The following QRICH1 variants were observed in gnomAD, a reference collection of about 807,000 sequenced individuals.
The protein encoded by QRICH1 is glutamine rich 1, also known as transcriptional regulator QRICH1.
In QRICH1, 16 loss-of-function variants were observed where a neutral mutation model predicts 87.1. That is an observed-to-expected ratio of 0.18 (90% confidence interval 0.12 to 0.28). The LOEUF (loss-of-function observed/expected upper bound fraction) is 0.28, where lower values mean the gene tolerates loss of function less well. Ranked by LOEUF, QRICH1 falls within the 10% of genes least tolerant of loss-of-function variation. The pLI, the probability that QRICH1 is intolerant of heterozygous loss-of-function variation, is 1.00. For synonymous variants in QRICH1, 367 were observed against 368.4 expected, an observed-to-expected ratio of 1.00 and a Z score of 0.05; for missense variants, 647 against 951.7, an observed-to-expected ratio of 0.68 and a Z score of 4.21.
At chr3:49,040,594 A>C (rs1460753992) in intron 6 of QRICH1, among the ~76,000 whole-genome samples, 2 of 152,250 alleles carry the variant, frequency 1.3e-5, no homozygotes, top group Non-Finnish European at 2.9e-5. Flanking sequence ...CATAGTAGGC[A>C]CTCAAAAAAT....
At chr3:49,059,699 G>C (rs1322004539) in intron 2 of QRICH1, among the ~76,000 whole-genome samples, 1 of 151,266 alleles carries the variant, frequency 6.6e-6, no homozygotes, top group African/African-American at 2.4e-5. Context: ...TGGGATTACA[G>C]GCTTGAGCCA....
chr3:49,075,243 C>T (rs963860138), intron 2 of QRICH1, among the ~76,000 whole-genome samples: 2 of 150,780 alleles, frequency 1.3e-5, no homozygotes, highest in Non-Finnish European at 2.9e-5. Flanking sequence ...GCTGGATGAT[C>T]GCTTAAGCCT....
chr3:49,092,536 A>G (rs1162513996), intron 1 of QRICH1: 4 of 152,156 alleles, frequency 2.6e-5, no homozygotes, highest in Non-Finnish European at 4.4e-5. Flanking sequence ...CTTAAAAACA[A>G]TACAGTACAT....
At chr3:49,033,432 G>A (rs1411803049) in intron 6 of QRICH1, 1 of 386,058 alleles carries the variant, frequency 2.6e-6, no homozygotes, top group Admixed American at 4.5e-5. Flanking sequence ...GGAACCTGAT[G>A]ATGAGCACTT....
chr3:49,088,670 G>A (rs982266584), intron 1 of QRICH1, among the ~76,000 whole-genome samples: 2 of 146,534 alleles, frequency 1.4e-5, no homozygotes. Flanking sequence ...CCACTACCCA[G>A]GATAAAATGC....
intron 2 of QRICH1, among the ~76,000 whole-genome samples, chr3:49,059,265 GTTT>G (rs555967025): frequency 6.7e-6 from 1 of 149,636 alleles, no homozygotes; most frequent in South Asian, 2.1e-4. Flanking sequence ...ACAAGGGACC[GTTT>G]TTTTCTCTAA....
intron 1 of QRICH1, among the ~76,000 whole-genome samples, chr3:49,092,037 A>G (rs1325151547): frequency 6.6e-6 from 1 of 150,934 alleles, no homozygotes; most frequent in Non-Finnish European, 1.5e-5. Flanking sequence ...ACACCCCTGC[A>G]CTCCAGCCTG....
At chr3:49,041,127 G>A (rs1019764918) in intron 6 of QRICH1, among the ~76,000 whole-genome samples, 3 of 151,744 alleles carry the variant, frequency 2.0e-5, no homozygotes, top group Admixed American at 1.3e-4. Context: ...GCCACCACAC[G>A]CAGCTAATTT....
chr3:49,055,638 C>T (rs1159562077), intron 3 of QRICH1, among the ~76,000 whole-genome samples: 2 of 152,320 alleles, frequency 1.3e-5, no homozygotes, highest in South Asian at 2.1e-4. Flanking sequence ...GCTGGGATTA[C>T]AGGCAACTGC....
Position 49,076,706 on chromosome 3 carries a change from T to A in QRICH1, c.309+3A>T. On this transcript the variant is annotated splice_donor_region_variant and intron_variant, in intron 2 of 9. Coordinates refer to ENST00000395443, the MANE Select transcript of QRICH1 (RefSeq NM_198880.3). ...AGGCTGCACCTCAGCATTTCCCATA[T>A]ACCTGAACCTGCTGCGGCTGCTGAA... The A allele has an allele frequency of 6.4e-7, 1 of 1,553,758 alleles. No homozygotes were observed. The highest frequency in any genetic ancestry group is 8.7e-7 in the Non-Finnish European group (1 of 1,145,856).
At chr3:49,048,196 G>C (rs140970389) in intron 3 of QRICH1, among the ~76,000 whole-genome samples, 1 of 151,230 alleles carries the variant, frequency 6.6e-6, no homozygotes, top group Non-Finnish European at 1.5e-5. Context: ...GCAATGGCAG[G>C]ATCTCGGCTC....
intron 3 of QRICH1, among the ~76,000 whole-genome samples, chr3:49,054,017 T>G (rs542696263): frequency 6.6e-6 from 1 of 152,208 alleles, no homozygotes; most frequent in South Asian, 2.1e-4. Flanking sequence ...CATCTTTCCC[T>G]TGGCATCTTT....
At chr3:49,034,423 C>T (rs2093261944) in intron 6 of QRICH1, among the ~76,000 whole-genome samples, 1 of 143,418 alleles carries the variant, frequency 7.0e-6, no homozygotes, top group Non-Finnish European at 1.5e-5. Context: ...GCCTGGGTGA[C>T]AGAGTGAGAT....
intron 2 of QRICH1, among the ~76,000 whole-genome samples, chr3:49,066,295 A>C (rs1483037935): frequency 6.6e-6 from 1 of 152,048 alleles, no homozygotes; most frequent in Non-Finnish European, 1.5e-5. Flanking sequence ...TCAGAAAAAA[A>C]TAAGGGTAAG....
At chr3:49,038,999 C>G (rs2106834219) in intron 6 of QRICH1, among the ~76,000 whole-genome samples, 1 of 152,046 alleles carries the variant, frequency 6.6e-6, no homozygotes, top group East Asian at 1.9e-4. Flanking sequence ...TGCACTCCAG[C>G]CTGGAAGACA....
intron 5 of QRICH1, among the ~76,000 whole-genome samples, chr3:49,045,006 A>G (rs1384961321): frequency 6.6e-6 from 1 of 152,082 alleles, no homozygotes; most frequent in Non-Finnish European, 1.5e-5. Context: ...AGACTAGGCA[A>G]CAGAATAAGT....
intron 1 of QRICH1, among the ~76,000 whole-genome samples, chr3:49,092,016 G>A (rs1342359567): frequency 6.7e-6 from 1 of 149,296 alleles, no homozygotes; most frequent in Non-Finnish European, 1.5e-5. Flanking sequence ...AGGTTGCAGT[G>A]AGCCGAGATC....
At chr3:49,079,496 TATA>T (rs1428854164) in intron 1 of QRICH1, among the ~76,000 whole-genome samples, 15 of 147,998 alleles carry the variant, frequency 1.0e-4, no homozygotes, top group Non-Finnish European at 8.9e-5. Context: ...ATATTATAAT[TATA>T]ATAATTAAAT....
chr3:49,045,908 TTTC>T (rs2093336529), intron 5 of QRICH1, among the ~76,000 whole-genome samples: 2 of 151,580 alleles, frequency 1.3e-5, no homozygotes, highest in Admixed American at 6.6e-5. Context: ...TTTTTTTTCT[TTTC>T]TTTTCTTTTT....
Sources: gnomAD v4.1 joint callset for allele counts (sites outside exome capture counted in the v4.1 genomes callset) on GRCh38, gnomAD v4.1.1 for gene constraint, MANE v1.5 for transcripts, NCBI Gene and HGNC (gene_info 2026-07-23, HGNC 2026-07-21) for gene names.